Variants in EP300 observed in about 807,000 individuals in gnomAD.
EP300 encodes the protein histone acetyltransferase p300.
A neutral mutation model predicts 264.0 loss-of-function variants in EP300; 31 were observed. The ratio of observed to expected loss-of-function variants is 0.12; its 90% confidence interval spans 0.09 to 0.16. The LOEUF (loss-of-function observed/expected upper bound fraction) is 0.16. EP300 is among the 10% of genes least tolerant of loss of function. The pLI, the probability that EP300 is intolerant of heterozygous loss-of-function variation, is 1.00. For missense variants in EP300, 2,766 were observed against 3,052.9 expected, an observed-to-expected ratio of 0.91 and a Z score of 2.21; for synonymous variants, 1,340 against 1,045.4, an observed-to-expected ratio of 1.28 and a Z score of -5.44.
intron 19 of EP300, 37 bp from the exon 20 acceptor site, chr22:41,160,605 G>A (rs1341712082): frequency 6.3e-6 from 10 of 1,597,782 alleles, no homozygotes; most frequent in East Asian, 4.5e-5. Flanking sequence ...TTGTGTGAAC[G>A]GAACAGTTCA....
At chr22:41,145,329 A>G (rs2059004551) in intron 10 of EP300, among the ~76,000 whole-genome samples, 1 of 152,250 alleles carries the variant, frequency 6.6e-6, no homozygotes, top group Admixed American at 6.5e-5. Context: ...ATAAAAGTTT[A>G]TATGAATAAA....
At chr22:41,149,500 CTG>C (rs2059030788) in intron 13 of EP300, among the ~76,000 whole-genome samples, 2 of 152,170 alleles carry the variant, frequency 1.3e-5, no homozygotes, top group African/African-American at 4.8e-5. Context: ...CTAGAGCACT[CTG>C]CACTCAATTC....
At position 41,131,664 on chromosome 22, in the gene EP300, T is replaced by A. The variant is rs780450732; in HGVS notation, c.1528+31T>A. The A allele has an allele frequency of 3.7e-5, 59 of 1,613,794 alleles. No individual in the cohort carries two copies. The highest frequency in any genetic ancestry group is 4.7e-5 in the Non-Finnish European group (56 of 1,180,006). ...TTTGTGTCATCCTAATAACATGGTATTGGTTGTGTCAGTAAATGACATCTA... is the reference window on the plus strand; with the variant it reads ...TTTGTGTCATCCTAATAACATGGTAATGGTTGTGTCAGTAAATGACATCTA... On this transcript the variant is annotated intron_variant, in intron 6 of 30. Transcript: ENST00000263253.
chr22:41,159,562 T>C (rs1365376289), intron 19 of EP300: 1 of 152,224 alleles, frequency 6.6e-6, no homozygotes, highest in Non-Finnish European at 1.5e-5. Flanking sequence ...TGTTTATCTT[T>C]GCACCAAGCC....
chr22:41,112,187 C>T (rs1028834432), intron 1 of EP300, among the ~76,000 whole-genome samples: 30 of 150,834 alleles, frequency 2.0e-4, no homozygotes, highest in African/African-American at 7.1e-4. Flanking sequence ...CATGCCTGGC[C>T]ACCTATTTTT....
intron 1 of EP300, among the ~76,000 whole-genome samples, chr22:41,096,390 A>G (rs890963027): frequency 1.4e-4 from 22 of 152,090 alleles, no homozygotes; most frequent in African/African-American, 5.3e-4. Flanking sequence ...AAGCACCTGG[A>G]AAGATAGGAT....
chr22:41,114,009 T>C (rs1361216157), intron 1 of EP300, among the ~76,000 whole-genome samples: 1 of 152,216 alleles, frequency 6.6e-6, no homozygotes, highest in Non-Finnish European at 1.5e-5. Context: ...TGATAAAATA[T>C]TTTCTTGGAT....
intron 1 of EP300, among the ~76,000 whole-genome samples, chr22:41,109,253 CA>C (rs71328769): frequency 2.9e-4 from 34 of 116,364 alleles, no homozygotes; most frequent in African/African-American, 4.6e-4. Context: ...GACCCTGTCT[CA>C]AAAAAAAAAA....
chr22:41,109,489 A>C lies in EP300; in HGVS notation c.95-7698A>C, dbSNP rs376890809. 4.9e-4 allele frequency among the ~76,000 whole-genome samples: 74 copies of C among 152,272 alleles called. 1 individual carries two copies. The South Asian group carries it at 0.015, about 31-fold the overall frequency. On this transcript the variant is annotated intron_variant, in intron 1 of 30. Coordinates refer to ENST00000263253, the MANE Select transcript of EP300 (RefSeq NM_001429.4). ...AGGTGCCAAGAAAAATGCCTGACAC[A>C]TTGAAAGTGCTGGATAAATGTATGC...
chr22:41,097,903 C>A (rs1174293566), intron 1 of EP300, among the ~76,000 whole-genome samples: 1 of 151,828 alleles, frequency 6.6e-6, no homozygotes, highest in Non-Finnish European at 1.5e-5. Context: ...ACCATGTTGG[C>A]CATGATGGTC....
chr22:41,135,603 A>G (rs138337435), intron 6 of EP300, among the ~76,000 whole-genome samples: 69 of 151,208 alleles, frequency 4.6e-4, no homozygotes, highest in African/African-American at 1.7e-3. Context: ...TCTATGATTT[A>G]CTGTTGGGTG....
intron 14 of EP300, among the ~76,000 whole-genome samples, chr22:41,151,080 T>G (rs1727195568): frequency 6.6e-6 from 1 of 152,118 alleles, no homozygotes; most frequent in Admixed American, 6.5e-5. Context: ...TTTAAGGGTT[T>G]AGAAGCTTCT....
rs754309936 is a variant in EP300, at chr22:41,093,034, G to A, written c.30G>A (p.Pro10=). 5 of 1,613,998 alleles carry A rather than the reference G, an allele frequency of 3.1e-6. No individual in the cohort carries two copies. In the East Asian group the frequency reaches 1.1e-4, roughly 36 times the overall value. The change falls in exon 1 of 31, where the codon CCG becomes CCA. Residue 10 remains proline (P), a synonymous_variant. Coordinates refer to ENST00000263253, the MANE Select transcript of EP300 (RefSeq NM_001429.4). MAENVVEPG[P]PSAKRPKLSS... is the part of the protein sequence containing the mutation. ...CCGAGAATGTGGTGGAACCGGGGCC[G>A]CCTTCAGCCAAGCGGCCTAAACTCT...
At chr22:41,154,026 C>G (rs1283733410) in intron 16 of EP300, among the ~76,000 whole-genome samples, 2 of 152,166 alleles carry the variant, frequency 1.3e-5, no homozygotes, top group Non-Finnish European at 2.9e-5. Context: ...CCATTTGGGA[C>G]ACACCAACAA....
chr22:41,126,996 G>A (rs562842224), intron 3 of EP300, among the ~76,000 whole-genome samples: 343 of 151,942 alleles, frequency 2.3e-3, no homozygotes, highest in Non-Finnish European at 3.9e-3. Context: ...CGCCTGCCTC[G>A]GCCTCCCAAC....
At position 41,178,374 on chromosome 22, in the gene EP300, A is replaced by G. The variant is rs1569122270; in HGVS notation, c.6663A>G (p.Pro2221=). 8.7e-6 allele frequency: 14 copies of G among 1,614,128 alleles called. No individual in the cohort carries two copies. Among genetic ancestry groups the G allele is most frequent in the South Asian group, 3.3e-5 (3 of 91,086 alleles). The change falls in exon 31 of 31, where the codon CCA becomes CCG. Residue 2221 remains proline, a synonymous_variant. Coordinates refer to ENST00000263253, the MANE Select transcript of EP300 (RefSeq NM_001429.4). ...FQQPQGVGYP[P]QQQQRMQHHM... is the part of the protein sequence containing the mutation. ...AACCCCAAGGAGTTGGCTACCCACC[A>G]CAGCAGCAGCAGCGGATGCAGCATC...
intron 1 of EP300, among the ~76,000 whole-genome samples, chr22:41,093,300 A>C (rs781520087): frequency 3.1e-4 from 47 of 151,988 alleles, no homozygotes; most frequent in African/African-American, 1.1e-3. Context: ...TTGCAACACT[A>C]TGTCATATCG....
chr22:41,096,839 G>A (rs2058705335), intron 1 of EP300, among the ~76,000 whole-genome samples: 1 of 151,900 alleles, frequency 6.6e-6, no homozygotes, highest in African/African-American at 2.4e-5. Context: ...GGCTGGTCTC[G>A]AACTCCTGAC....
intron 17 of EP300, among the ~76,000 whole-genome samples, chr22:41,155,740 T>G (rs2059073296): frequency 6.6e-6 from 1 of 152,204 alleles, no homozygotes; most frequent in African/African-American, 2.4e-5. Context: ...TGATTCTTTG[T>G]GCCAGGACGT....
Sources: gnomAD v4.1 joint callset for allele counts (sites outside exome capture counted in the v4.1 genomes callset) on GRCh38, gnomAD v4.1.1 for gene constraint, MANE v1.5 for transcripts, NCBI Gene and HGNC (gene_info 2026-07-23, HGNC 2026-07-21) for gene names.